UBE3A: variants seen among roughly 807,000 people sequenced by gnomAD.
The protein encoded by UBE3A is ubiquitin-protein ligase E3A.
In UBE3A, 6 loss-of-function variants were observed where a neutral mutation model predicts 83.4. The ratio of observed to expected loss-of-function variants is 0.07; its 90% CI spans 0.04 to 0.14. The LOEUF is 0.14. Ranked by LOEUF, UBE3A falls within the 10% of genes least tolerant of loss-of-function variation. UBE3A has a pLI of 1.00. For missense variants in UBE3A, 456 were observed against 1,036.1 expected (o/e 0.44, Z 7.69); for synonymous variants, 337 against 355.4 (o/e 0.95, Z 0.58).
At chr15:25,436,152 A>AG (rs1895019087) in intron 1 of UBE3A, among the ~76,000 whole-genome samples, 1 of 152,308 alleles carries the variant, frequency 6.6e-6, no homozygotes, top group Admixed American at 6.5e-5. Flanking sequence ...TTTGGCAGTG[A>AG]GGGGAAAACT....
intron 1 of UBE3A, among the ~76,000 whole-genome samples, chr15:25,432,712 T>TA (rs1304262801): frequency 6.6e-6 from 1 of 152,172 alleles, no homozygotes; most frequent in Admixed American, 6.5e-5. Flanking sequence ...ACAAAACTGT[T>TA]AAGAGTCACA....
intron 1 of UBE3A, among the ~76,000 whole-genome samples, chr15:25,417,638 C>T (rs776304408): frequency 1.1e-4 from 16 of 151,064 alleles, no homozygotes; most frequent in Non-Finnish European, 2.2e-4. Flanking sequence ...AAATATAAAG[C>T]GAAATATCTG....
chr15:25,368,727 C>G (rs1473626145), intron 6 of UBE3A, among the ~76,000 whole-genome samples: 1 of 151,952 alleles, frequency 6.6e-6, no homozygotes, highest in Non-Finnish European at 1.5e-5. Flanking sequence ...GCTTTAAAAG[C>G]AGTTGTTTCC....
At chr15:25,428,004 TGTTC>T in intron 1 of UBE3A, among the ~76,000 whole-genome samples, 1 of 150,878 alleles carries the variant, frequency 6.6e-6, no homozygotes, top group African/African-American at 2.5e-5. Context: ...AAATACCACA[TGTTC>T]TCACTCATAC....
At chr15:25,425,570 A>G (rs1567174177) in intron 1 of UBE3A, among the ~76,000 whole-genome samples, 1 of 152,092 alleles carries the variant, frequency 6.6e-6, no homozygotes, top group Non-Finnish European at 1.5e-5. Flanking sequence ...GCTATCTTAC[A>G]TTTTATATTT....
chr15:25,394,146 C>A (rs939151442), intron 4 of UBE3A, among the ~76,000 whole-genome samples: 3 of 152,140 alleles, frequency 2.0e-5, no homozygotes, highest in African/African-American at 7.2e-5. Context: ...AGTACCTATT[C>A]TATTATATAT....
At chr15:25,394,033 G>A (rs2084992133) in intron 4 of UBE3A, among the ~76,000 whole-genome samples, 1 of 152,072 alleles carries the variant, frequency 6.6e-6, no homozygotes, top group Admixed American at 6.6e-5. Context: ...TTCCTGCCTA[G>A]AACACTATGA....
chr15:25,356,111 AT>A, intron 8 of UBE3A, 55 bp from the exon 9 acceptor site: 1 of 1,578,808 alleles, frequency 6.3e-7, no homozygotes, highest in Admixed American at 1.7e-5. Context: ...AATACAACAA[AT>A]AATTTATATC....
At chr15:25,339,624 A>G (rs2074392477) in intron 12 of UBE3A, 1 of 275,550 alleles carries the variant, frequency 3.6e-6, no homozygotes, top group African/African-American at 2.2e-5. Flanking sequence ...AACTTCCTCT[A>G]AGGTGGAGAA....
At chr15:25,381,485 TA>T (rs2082162175) in intron 4 of UBE3A, among the ~76,000 whole-genome samples, 1 of 151,792 alleles carries the variant, frequency 6.6e-6, no homozygotes, top group African/African-American at 2.4e-5. Context: ...AAGCAAAGAA[TA>T]AAAAATAAAA....
chr15:25,365,709 C>CT (rs2078981838), intron 6 of UBE3A, among the ~76,000 whole-genome samples: 1 of 144,280 alleles, frequency 6.9e-6, no homozygotes, highest in African/African-American at 2.6e-5. Flanking sequence ...GATTGCGCCA[C>CT]TGCACTCCAG....
intron 6 of UBE3A, among the ~76,000 whole-genome samples, chr15:25,366,371 C>T (rs1042866727): frequency 1.3e-4 from 20 of 152,102 alleles, no homozygotes; most frequent in Non-Finnish European, 2.4e-4. Context: ...GAGTGTTCAC[C>T]AATGCTGGAA....
intron 6 of UBE3A, among the ~76,000 whole-genome samples, chr15:25,364,403 T>C (rs913454591): frequency 1.3e-5 from 2 of 152,144 alleles, no homozygotes; most frequent in African/African-American, 4.8e-5. Flanking sequence ...TAAAAAAGAT[T>C]TAACAAATAA....
chr15:25,432,599 C>T lies in UBE3A; in HGVS notation c.-165+5890G>A, dbSNP rs571643209. On this transcript the variant is annotated intron_variant, in intron 1 of 12. Transcript: ENST00000648336. ...AAAGAGCTACCAAGCCTGCATGCTA[C>T]GAAGACATGGGTCAAAAAATTTTTC... Among the ~76,000 whole-genome samples the T allele has an allele frequency of 1.1e-4, 17 of 152,246 alleles. 1 individual carries two copies. Among genetic ancestry groups the T allele is most frequent in the African/African-American group, 3.9e-4 (16 of 41,542 alleles).
intron 4 of UBE3A, among the ~76,000 whole-genome samples, chr15:25,395,350 C>T (rs1596089030): frequency 1.3e-5 from 2 of 152,176 alleles, no homozygotes; most frequent in East Asian, 1.9e-4. Context: ...AGAGAATACA[C>T]TGTAAAGCAC....
chr15:25,434,732 A>G (rs1389124708), intron 1 of UBE3A, among the ~76,000 whole-genome samples: 1 of 152,198 alleles, frequency 6.6e-6, no homozygotes, highest in African/African-American at 2.4e-5. Flanking sequence ...GTCCTGAACT[A>G]GAGACATGGA....
intron 11 of UBE3A, among the ~76,000 whole-genome samples, chr15:25,343,768 A>G (rs1423639582): frequency 6.6e-6 from 1 of 152,190 alleles, no homozygotes; most frequent in Non-Finnish European, 1.5e-5. Context: ...CTTAACATAT[A>G]AAGTTTCTAA....
intron 2 of UBE3A, among the ~76,000 whole-genome samples, chr15:25,410,152 A>T (rs1023948064): frequency 6.6e-6 from 1 of 152,328 alleles, no homozygotes; most frequent in Non-Finnish European, 1.5e-5. Flanking sequence ...ATAATAATAA[A>T]AAACATCAGT....
chr15:25,407,400 A>G (rs1350260795), intron 3 of UBE3A: 1 of 479,770 alleles, frequency 2.1e-6, no homozygotes, highest in Non-Finnish European at 2.8e-6. Context: ...AAAAGGTAAG[A>G]CACAAGAAGA....
Sources: allele counts gnomAD v4.1 joint callset (sites outside exome capture counted in the v4.1 genomes callset), GRCh38; gene constraint gnomAD v4.1.1; transcripts MANE v1.5; gene names NCBI Gene and HGNC (gene_info 2026-07-23, HGNC 2026-07-21).